RGS7: variants seen among roughly 807,000 people sequenced by gnomAD.
The protein encoded by RGS7 is regulator of G protein signaling 7.
RGS7 carries 27 observed loss-of-function variants against 81.1 expected under a neutral mutation model. That is an observed-to-expected ratio of 0.33 (90% confidence interval 0.25 to 0.46). The LOEUF (loss-of-function observed/expected upper bound fraction) is 0.46. Ranked by LOEUF, RGS7 falls within the 20% of genes least tolerant of loss-of-function variation. The pLI, the probability that RGS7 is intolerant of heterozygous loss-of-function variation, is 1.00. For missense variants in RGS7, 396 were observed against 607.4 expected (o/e 0.65, Z 3.66); for synonymous variants, 208 against 207.7 (o/e 1.00, Z -0.01).
At chr1:241,344,749 G>T (rs1411499888) in intron 2 of RGS7, among the ~76,000 whole-genome samples, 1 of 152,160 alleles carries the variant, frequency 6.6e-6, no homozygotes, top group South Asian at 2.1e-4. Flanking sequence ...TAAGGGATAT[G>T]ATCAATACCT....
chr1:240,884,062 G>A (rs932527985), intron 6 of RGS7, among the ~76,000 whole-genome samples: 1 of 91,090 alleles, frequency 1.1e-5, no homozygotes, highest in African/African-American at 4.4e-5. Flanking sequence ...GGCGACAAGA[G>A]CAAAAACTCC....
chr1:241,171,896 A>T (rs2070761412), intron 2 of RGS7, among the ~76,000 whole-genome samples: 1 of 152,230 alleles, frequency 6.6e-6, no homozygotes, highest in Non-Finnish European at 1.5e-5. Context: ...CATCCTGTGG[A>T]GAAACAAAAG....
At chr1:241,229,953 G>A (rs1027502761) in intron 2 of RGS7, among the ~76,000 whole-genome samples, 1 of 152,200 alleles carries the variant, frequency 6.6e-6, no homozygotes, top group African/African-American at 2.4e-5. Context: ...ACAGGAAACA[G>A]ATAACCTCGG....
At chr1:240,930,402 G>T (rs1675227803) in intron 6 of RGS7, among the ~76,000 whole-genome samples, 1 of 151,868 alleles carries the variant, frequency 6.6e-6, no homozygotes, top group Non-Finnish European at 1.5e-5. Flanking sequence ...GGTTCTATGG[G>T]TCTATTTTTT....
chr1:240,877,411 T>G (rs1388697167), intron 6 of RGS7, among the ~76,000 whole-genome samples: 1 of 151,538 alleles, frequency 6.6e-6, no homozygotes, highest in African/African-American at 2.4e-5. Context: ...GATTTTCTTT[T>G]ATATATACAT....
chr1:241,029,281 G>A (rs183936384), intron 3 of RGS7, among the ~76,000 whole-genome samples: 32 of 152,142 alleles, frequency 2.1e-4, no homozygotes, highest in Non-Finnish European at 1.5e-5. Flanking sequence ...TTAGCTTCAG[G>A]CACAGCCACC....
At chr1:240,895,079 G>C (rs532807137) in intron 6 of RGS7, among the ~76,000 whole-genome samples, 6 of 151,940 alleles carry the variant, frequency 3.9e-5, no homozygotes, top group African/African-American at 1.5e-4. Flanking sequence ...ATCTAAAAGT[G>C]TGTGGCCCTT....
At chr1:241,238,966 C>CTCTTTTTTT (rs397786851) in intron 2 of RGS7, among the ~76,000 whole-genome samples, 2 of 106,620 alleles carry the variant, frequency 1.9e-5, no homozygotes, top group Admixed American at 1.2e-4. Context: ...GCCTCTCTCT[C>CTCTTTTTTT]TTTTTTTTTT....
chr1:241,195,401 G>C (rs143036814), intron 2 of RGS7, among the ~76,000 whole-genome samples: 6 of 152,006 alleles, frequency 3.9e-5, no homozygotes, highest in African/African-American at 1.5e-4. Flanking sequence ...ACTCGAACCC[G>C]GGAGGCAGAG....
intron 3 of RGS7, among the ~76,000 whole-genome samples, chr1:241,042,445 T>G (rs80133631): frequency 6.6e-6 from 1 of 152,188 alleles, no homozygotes; most frequent in African/African-American, 2.4e-5. Flanking sequence ...CTTTATGACA[T>G]GATGGAGATA....
rs115901292 is a variant in RGS7 at position 240,817,484 on chromosome 1, C to A, written c.685-1069G>T. Among the ~76,000 whole-genome samples the A allele has an allele frequency of 5.6e-3, 853 of 152,302 alleles. 9 individuals are homozygous for A. The highest frequency in any genetic ancestry group is 0.018 in the African/African-American group (757 of 41,564). On this transcript the variant is annotated intron_variant, in intron 10 of 18. Transcript: ENST00000440928. The stretch of plus-strand genomic sequence containing the variant: ...AATTCAATGTGTTTTTATTCCTGAA[C>A]TGCTTTCACTTGGACCTTAAATCCA...
intron 6 of RGS7, among the ~76,000 whole-genome samples, chr1:240,870,362 G>T (rs1286426129): frequency 1.3e-5 from 2 of 151,582 alleles, no homozygotes; most frequent in Admixed American, 1.3e-4. Context: ...TTCAGAGATG[G>T]TCTTACTCTG....
intron 2 of RGS7, among the ~76,000 whole-genome samples, chr1:241,238,203 C>A (rs374392848): frequency 9.2e-5 from 14 of 152,230 alleles, no homozygotes; most frequent in Middle Eastern, 3.4e-3. Context: ...CTGACCGACC[C>A]AGACAGTCTT....
chr1:241,194,321 T>C (rs1005657760), intron 2 of RGS7, among the ~76,000 whole-genome samples: 2 of 152,214 alleles, frequency 1.3e-5, no homozygotes, highest in Non-Finnish European at 2.9e-5. Context: ...TGGGCACCAA[T>C]GGACATTCAA....
At chr1:241,068,258 A>ATATATATATATATATATATATATATATAT (rs372573670) in intron 3 of RGS7, among the ~76,000 whole-genome samples, 1 of 48,888 alleles carries the variant, frequency 2.0e-5, no homozygotes, top group African/African-American at 6.9e-5. Flanking sequence ...ATATATATAT[A>ATATATATATATATATATATATATATATAT]AAATATTGTG....
At chr1:241,159,161 A>T (rs1006091623) in intron 2 of RGS7, among the ~76,000 whole-genome samples, 1 of 152,204 alleles carries the variant, frequency 6.6e-6, no homozygotes, top group Non-Finnish European at 1.5e-5. Context: ...TACTATATCA[A>T]TTGCTTGCCT....
chr1:240,928,661 T>A (rs932501356), intron 6 of RGS7, among the ~76,000 whole-genome samples: 6 of 149,762 alleles, frequency 4.0e-5, no homozygotes, highest in Admixed American at 1.4e-4. Flanking sequence ...CAGGCTAGAG[T>A]GCAGTAGCAC....
intron 13 of RGS7, 45 bp downstream of exon 13, chr1:240,813,573 T>C (rs780014465): frequency 8.2e-7 from 1 of 1,217,384 alleles, no homozygotes; most frequent in South Asian, 1.2e-5. Context: ...ACTCAGACCC[T>C]GAAATAAAGC....
intron 6 of RGS7, 35 bp downstream of exon 6, chr1:240,930,682 C>G: frequency 6.3e-7 from 1 of 1,592,698 alleles, no homozygotes; most frequent in Non-Finnish European, 8.6e-7. Flanking sequence ...CACATACAGG[C>G]TGTCAATAAT....
Sources: gnomAD v4.1 joint callset for allele counts (sites outside exome capture counted in the v4.1 genomes callset) on GRCh38, gnomAD v4.1.1 for gene constraint, MANE v1.5 for transcripts, NCBI Gene and HGNC (gene_info 2026-07-23, HGNC 2026-07-21) for gene names.